Variants in PTPRG observed in about 807,000 individuals in gnomAD.
PTPRG encodes the protein receptor-type tyrosine-protein phosphatase gamma.
PTPRG carries 102 observed loss-of-function variants against 165.3 expected under a neutral mutation model. That is an observed-to-expected ratio of 0.62 (90% confidence interval 0.53 to 0.73). The LOEUF is 0.73. Ranked by LOEUF, PTPRG falls within the 30% of genes least tolerant of loss-of-function variation. The pLI is 0.00. For synonymous variants in PTPRG, 675 were observed against 669.5 expected, an observed-to-expected ratio of 1.01 and a Z score of -0.13; for missense variants, 1,866 against 1,861.4, an observed-to-expected ratio of 1.00 and a Z score of -0.05.
At chr3:61,912,713 T>A (rs186573639) in intron 2 of PTPRG, among the ~76,000 whole-genome samples, 3 of 152,154 alleles carry the variant, frequency 2.0e-5, no homozygotes, top group African/African-American at 7.2e-5. Context: ...ATTTGGGAGG[T>A]TGGCATTTCT....
chr3:62,093,080 G>A (rs1273869598), intron 5 of PTPRG, among the ~76,000 whole-genome samples: 9 of 152,218 alleles, frequency 5.9e-5, no homozygotes, highest in Admixed American at 3.9e-4. Flanking sequence ...CTGGGATTTA[G>A]ATGTAATTGG....
rs112939440 is a variant in PTPRG, at chr3:61,705,511, GA to G, written c.86-43357del. Among the ~76,000 whole-genome samples the G allele has an allele frequency of 4.2e-3, 628 of 148,940 alleles. 7 individuals are homozygous for G. The highest frequency in any genetic ancestry group is 0.014 in the African/African-American group (585 of 40,748). On this transcript the variant is annotated intron_variant, in intron 1 of 29. Transcript: ENST00000474889. ...AGTTTGTCCAATAGAGATGTTTAAA[GA>G]AAAAAAAAATACTATTTACTGTCGC...
In PTPRG at chr3:62,224,777, G is replaced by A. The variant is rs985270529; in HGVS notation, c.2288+5794G>A. Among the ~76,000 whole-genome samples the A allele has an allele frequency of 2.0e-5, 3 of 152,140 alleles. No individual in the cohort carries two copies. Among genetic ancestry groups the A allele is most frequent in the African/African-American group, 7.2e-5 (3 of 41,428 alleles). ...CAGTGTTTTTATAGGCAGCAACATGGATCTGTGGGGAGACATTTATTCTAA... is the reference window on the plus strand; with the variant it reads ...CAGTGTTTTTATAGGCAGCAACATGAATCTGTGGGGAGACATTTATTCTAA... On this transcript the variant is annotated intron_variant, in intron 13 of 29. Coordinates refer to ENST00000474889, the MANE Select transcript of PTPRG (RefSeq NM_002841.4). The surrounding 1 kb of genome is among the most constrained non-coding windows in gnomAD (Gnocchi z 4.9).
At chr3:61,953,555 A>G (rs1451986455) in intron 2 of PTPRG, among the ~76,000 whole-genome samples, 1 of 152,164 alleles carries the variant, frequency 6.6e-6, no homozygotes, top group Non-Finnish European at 1.5e-5. Flanking sequence ...ATGGCAATTA[A>G]GCAGTGTAAT....
At chr3:61,697,936 G>A (rs1050329765) in intron 1 of PTPRG, among the ~76,000 whole-genome samples, 1 of 152,224 alleles carries the variant, frequency 6.6e-6, no homozygotes, top group South Asian at 2.1e-4. Flanking sequence ...ACACCAAGAA[G>A]AATTTGAACA....
At chr3:61,684,848 GT>G in intron 1 of PTPRG, among the ~76,000 whole-genome samples, 1 of 152,320 alleles carries the variant, frequency 6.6e-6, no homozygotes, top group South Asian at 2.1e-4. Flanking sequence ...TGGGAACCAG[GT>G]TTTAAATGAA....
At chr3:61,581,905 G>A (rs1216605988) in intron 1 of PTPRG, among the ~76,000 whole-genome samples, 1 of 151,732 alleles carries the variant, frequency 6.6e-6, no homozygotes, top group Admixed American at 6.6e-5. Context: ...CCTGTACCTG[G>A]CATATAGGTC....
At chr3:61,967,394 A>G (rs1043293695) in intron 2 of PTPRG, among the ~76,000 whole-genome samples, 2 of 152,158 alleles carry the variant, frequency 1.3e-5, no homozygotes, top group African/African-American at 4.8e-5. Context: ...CAAGACCTTC[A>G]GTTCATCTCA....
chr3:61,562,805 A>G (rs931407461), intron 1 of PTPRG, among the ~76,000 whole-genome samples: 1 of 151,950 alleles, frequency 6.6e-6, no homozygotes, highest in African/African-American at 2.4e-5. Flanking sequence ...GCGGGTATTG[A>G]AGGAACTCAG....
intron 5 of PTPRG, among the ~76,000 whole-genome samples, chr3:62,107,412 C>T (rs1341661547): frequency 6.6e-6 from 1 of 152,216 alleles, no homozygotes; most frequent in African/African-American, 2.4e-5. Context: ...TGAAATACTC[C>T]TATAACAGAT....
chr3:61,737,931 C>T (rs1304449634), intron 1 of PTPRG, among the ~76,000 whole-genome samples: 5 of 134,416 alleles, frequency 3.7e-5, no homozygotes, highest in African/African-American at 8.3e-5. Context: ...TTTTTTAAGA[C>T]GGAGTCTTTC....
chr3:62,200,240 AATTATTTTATTTT>A (rs1700065812), intron 10 of PTPRG, among the ~76,000 whole-genome samples: 2 of 152,102 alleles, frequency 1.3e-5, no homozygotes, highest in African/African-American at 4.8e-5. Context: ...TTAAGATAGT[AATTATTTTATTTT>A]ATTATTTTAT....
chr3:61,891,943 C>T (rs960683711), intron 2 of PTPRG, among the ~76,000 whole-genome samples: 1 of 151,476 alleles, frequency 6.6e-6, no homozygotes, highest in African/African-American at 2.4e-5. Flanking sequence ...AACTGATATG[C>T]ATTTTCAGTA....
At chr3:62,126,583 GATACAGGGCC>G (rs1255255931) in intron 5 of PTPRG, among the ~76,000 whole-genome samples, 1 of 152,200 alleles carries the variant, frequency 6.6e-6, no homozygotes, top group Non-Finnish European at 1.5e-5. Flanking sequence ...AATAGATGAT[GATACAGGGCC>G]ATACCTTTTG....
At chr3:61,687,603 T>G (rs1011046511) in intron 1 of PTPRG, among the ~76,000 whole-genome samples, 2 of 152,242 alleles carry the variant, frequency 1.3e-5, no homozygotes, top group African/African-American at 4.8e-5. Context: ...GTTTTTAAAT[T>G]TATACAAAAG....
intron 15 of PTPRG, among the ~76,000 whole-genome samples, chr3:62,250,882 A>T (rs1456726386): frequency 6.6e-6 from 1 of 152,198 alleles, no homozygotes; most frequent in Non-Finnish European, 1.5e-5. Flanking sequence ...AACAAAATAA[A>T]AGGCCCGTTA....
At chr3:62,164,069 A>G (rs976001216) in intron 7 of PTPRG, among the ~76,000 whole-genome samples, 1 of 152,242 alleles carries the variant, frequency 6.6e-6, no homozygotes, top group African/African-American at 2.4e-5. Flanking sequence ...AACCAGATCT[A>G]GAAAAGCAGA....
chr3:61,579,142 A>T (rs1240069551), intron 1 of PTPRG, among the ~76,000 whole-genome samples: 1 of 152,038 alleles, frequency 6.6e-6, no homozygotes, highest in Non-Finnish European at 1.5e-5. Flanking sequence ...CTTCAGAGTG[A>T]CTCTGAAAGA....
At chr3:61,684,388 T>C (rs1703553334) in intron 1 of PTPRG, among the ~76,000 whole-genome samples, 1 of 152,254 alleles carries the variant, frequency 6.6e-6, no homozygotes, top group African/African-American at 2.4e-5. Context: ...ATTTTGATTT[T>C]TCTTTTGGCA....
Sources: gnomAD v4.1 joint callset for allele counts (sites outside exome capture counted in the v4.1 genomes callset) on GRCh38, gnomAD v4.1.1 for gene constraint, Gnocchi (gnomAD v3.1) non-coding constraint, MANE v1.5 for transcripts, NCBI Gene and HGNC (gene_info 2026-07-23, HGNC 2026-07-21) for gene names.